PDAP1: variants seen among roughly 807,000 people sequenced by gnomAD.
PDAP1 encodes the protein 28 kDa heat- and acid-stable phosphoprotein.
PDAP1 carries 13 observed loss-of-function variants against 28.0 expected under a neutral mutation model. The observed-to-expected ratio is 0.46, with a 90% CI of 0.30 to 0.74. The LOEUF (loss-of-function observed/expected upper bound fraction) is 0.74, where lower values mean the gene tolerates loss of function less well. Ranked by LOEUF, PDAP1 falls within the 30% of genes least tolerant of loss-of-function variation. The pLI is 0.07. For synonymous variants in PDAP1, 77 were observed against 85.1 expected (o/e 0.91, Z 0.52); for missense variants, 150 against 230.0 (o/e 0.65, Z 2.25).
intron 3 of PDAP1, among the ~76,000 whole-genome samples, chr7:99,402,286 C>T (rs529363866): frequency 4.3e-4 from 65 of 150,684 alleles, no homozygotes; most frequent in South Asian, 3.8e-3. Flanking sequence ...TTCAAGGCCT[C>T]CCCCAGCTGC....
At chr7:99,408,321 A>T (rs953273842) in intron 1 of PDAP1, among the ~76,000 whole-genome samples, 2 of 151,548 alleles carry the variant, frequency 1.3e-5, no homozygotes, top group Non-Finnish European at 2.9e-5. Context: ...AGCTTCCGAA[A>T]CTCCTCAGAC....
chr7:99,400,288 A>G lies in PDAP1; in HGVS notation c.335+15T>C. On this transcript the variant is annotated intron_variant, in intron 4 of 5. Transcript: ENST00000350498. ...CTGTATTCCCCGTGACACAAGGCCC[A>G]GCCAGTGATGTTACCGTTCTCTCCT... is the stretch of plus-strand genomic sequence containing the variant. 2 of 1,612,980 alleles carry G rather than the reference A, an allele frequency of 1.2e-6. No individual in the cohort carries two copies. Among genetic ancestry groups the G allele is most frequent in the Non-Finnish European group, 1.7e-6 (2 of 1,179,786 alleles).
At chr7:99,406,116 T>C (rs1165737278) in intron 1 of PDAP1, among the ~76,000 whole-genome samples, 3 of 152,018 alleles carry the variant, frequency 2.0e-5, no homozygotes, top group Non-Finnish European at 4.4e-5. Context: ...GGGCATGGTG[T>C]CACATGTTTG....
rs1243060624 is a variant in PDAP1 at position 99,396,514 on chromosome 7, A to T, written c.*168T>A. 3 of 212,286 alleles carry T rather than the reference A, an allele frequency of 1.4e-5. No homozygotes were observed. Among genetic ancestry groups the T allele is most frequent in the African/African-American group, 3.5e-5 (1 of 28,694 alleles). The allele number at this position is 212,286 out of a possible 1,614,324, so 13.2% of individuals were successfully genotyped here. On this transcript the variant is annotated 3_prime_UTR_variant, in exon 6 of 6. Coordinates refer to ENST00000350498, the MANE Select transcript of PDAP1 (RefSeq NM_014891.7). The stretch of plus-strand genomic sequence containing the variant: ...TACCCCTCCCCCAGTCCCCCCCCCC[A>T]TCCCCCAAACAATTTCTGTGCCAAG...
chr7:99,406,691 G>T, intron 1 of PDAP1: 1 of 777,262 alleles, frequency 1.3e-6, no homozygotes, highest in African/African-American at 1.9e-5. Context: ...CTTCCACACA[G>T]GAAGCTGAGG....
chr7:99,397,139 G>A (rs1794783643), intron 5 of PDAP1, among the ~76,000 whole-genome samples: 1 of 152,194 alleles, frequency 6.6e-6, no homozygotes, highest in Non-Finnish European at 1.5e-5. Flanking sequence ...TGTGAAGCAG[G>A]GTTGAATGGG....
At position 99,396,325 on chromosome 7, in the gene PDAP1, C is replaced by T. The variant is rs1213116061; in HGVS notation, c.*357G>A. On this transcript the variant is annotated 3_prime_UTR_variant, in exon 6 of 6. Coordinates refer to ENST00000350498, the MANE Select transcript of PDAP1 (RefSeq NM_014891.7). ...TGTCAGCAGCTGCCTCCTGGGACAA[C>T]CACCCCCTTACATGCTATCTATCTA... is the stretch of plus-strand genomic sequence containing the variant. 3 of 350,348 alleles carry T rather than the reference C, an allele frequency of 8.6e-6. No homozygotes were observed. Among genetic ancestry groups the T allele is most frequent in the Non-Finnish European group, 1.6e-5 (3 of 182,714 alleles). 21.7% of individuals were successfully genotyped at this position (350,348 alleles called of 1,614,324 possible). A position where few individuals can be genotyped will look rare whatever the true frequency, so the allele number is the denominator to read the frequency against.
At chr7:99,403,274 T>C (rs562989858) in intron 3 of PDAP1, 124 bp downstream of exon 3, 2 of 658,742 alleles carry the variant, frequency 3.0e-6, no homozygotes, top group Admixed American at 5.0e-5. Flanking sequence ...TCTCCCGTAG[T>C]GTAAACCCTC....
intron 2 of PDAP1, among the ~76,000 whole-genome samples, chr7:99,404,175 G>A (rs978919024): frequency 5.3e-5 from 8 of 152,214 alleles, no homozygotes; most frequent in African/African-American, 1.9e-4. Flanking sequence ...ACAGCTGGAT[G>A]TGGCCTTTCC....
chr7:99,406,982 CAACAGT>C (rs2150908758), intron 1 of PDAP1, among the ~76,000 whole-genome samples: 1 of 152,308 alleles, frequency 6.6e-6, no homozygotes, highest in Admixed American at 6.5e-5. Context: ...ATACACCAGG[CAACAGT>C]AACAACTCAA....
In PDAP1 at chr7:99,394,809, T is replaced by C. The variant is rs1488931994; in HGVS notation, c.*1873A>G. On this transcript the variant is annotated 3_prime_UTR_variant, in exon 6 of 6. Coordinates refer to ENST00000350498, the MANE Select transcript of PDAP1 (RefSeq NM_014891.7). ...AAAAAAAAAAAAAAAAAAGTAATTA[T>C]GGACATGCTTGCCTATGTGGAAGGA... is the stretch of plus-strand genomic sequence containing the variant. The C allele has an allele frequency of 2.5e-6, 3 of 1,217,402 alleles. No individual in the cohort carries two copies. Among genetic ancestry groups the C allele is most frequent in the Non-Finnish European group, 2.0e-6 (2 of 976,418 alleles). 75.4% of individuals were successfully genotyped at this position (1,217,402 alleles called of 1,614,324 possible).
In PDAP1 at chr7:99,394,778, G is replaced by A. The variant is rs1440745860; in HGVS notation, c.*1904C>T. The stretch of plus-strand genomic sequence containing the variant: ...TGTGGAGGTAATAAAATGCAACTGT[G>A]TAAAAAAAAAAAAAAAAAAAAAAGT... On this transcript the variant is annotated 3_prime_UTR_variant, in exon 6 of 6. Transcript: ENST00000350498. The A allele has an allele frequency of 2.5e-6, 2 of 789,662 alleles. No individual in the cohort carries two copies. Among genetic ancestry groups the A allele is most frequent in the Non-Finnish European group, 1.5e-6 (1 of 659,604 alleles). The allele number at this position is 789,662 out of a possible 1,614,324, so 48.9% of individuals were successfully genotyped here.
At chr7:99,408,384 A>G (rs1795028117) in intron 1 of PDAP1, 152 bp downstream of exon 1, 1 of 587,106 alleles carries the variant, frequency 1.7e-6, no homozygotes, top group South Asian at 6.8e-5. Flanking sequence ...CCATCGGGAC[A>G]ATTGGGCGTC....
intron 1 of PDAP1, 22 bp downstream of exon 1, chr7:99,408,514 G>A: frequency 7.6e-7 from 1 of 1,321,950 alleles, no homozygotes; most frequent in Non-Finnish European, 9.7e-7. Context: ...AGGCCTGCGG[G>A]CCACCGGCGC....
intron 1 of PDAP1, among the ~76,000 whole-genome samples, chr7:99,405,930 T>C (rs1794963409): frequency 6.6e-6 from 1 of 152,186 alleles, no homozygotes; most frequent in Non-Finnish European, 1.5e-5. Context: ...GCTGGAACAG[T>C]GCCTGCTACT....
chr7:99,404,287 T>C (rs1794930641), intron 2 of PDAP1, among the ~76,000 whole-genome samples: 1 of 152,178 alleles, frequency 6.6e-6, no homozygotes, highest in Non-Finnish European at 1.5e-5. Flanking sequence ...TATGGTAAGA[T>C]GCAGATGCTG....
chr7:99,404,769 C>A, intron 2 of PDAP1, 93 bp downstream of exon 2: 1 of 954,306 alleles, frequency 1.0e-6, no homozygotes. Flanking sequence ...CTTGTCCCTG[C>A]GAATGGGTAG....
chr7:99,404,430 T>A (rs1046042107), intron 2 of PDAP1, among the ~76,000 whole-genome samples: 1 of 151,946 alleles, frequency 6.6e-6, no homozygotes, highest in Non-Finnish European at 1.5e-5. Context: ...CTAAACAACG[T>A]CTCCAGGGAT....
In PDAP1 at chr7:99,408,591, T is replaced by G. The variant is rs1795036668; in HGVS notation, c.-43A>C. The G allele has an allele frequency of 1.7e-6, 2 of 1,179,908 alleles. No homozygotes were observed. The highest frequency in any genetic ancestry group is 2.1e-6 in the Non-Finnish European group (2 of 950,580). The allele number at this position is 1,179,908 out of a possible 1,614,324, so 73.1% of individuals were successfully genotyped here. On this transcript the variant is annotated 5_prime_UTR_variant, in exon 1 of 6. Coordinates refer to ENST00000350498, the MANE Select transcript of PDAP1 (RefSeq NM_014891.7). Reference sequence around the variant, plus strand: ...CGGCGGCGGCGGCGGCGCCTCGAACTGACACCGGAACCGGAAATAGCTTGG... The same window carrying G: ...CGGCGGCGGCGGCGGCGCCTCGAACGGACACCGGAACCGGAAATAGCTTGG...
Sources: allele counts gnomAD v4.1 joint callset (sites outside exome capture counted in the v4.1 genomes callset), GRCh38; gene constraint gnomAD v4.1.1; transcripts MANE v1.5; gene names NCBI Gene and HGNC (gene_info 2026-07-23, HGNC 2026-07-21).